KLHL9: variants seen among roughly 807,000 people sequenced by gnomAD.
KLHL9 encodes kelch-like protein 9.
Under a neutral mutation model 42.3 loss-of-function variants are expected in KLHL9, and 27 were observed. The ratio of observed to expected loss-of-function variants is 0.64; its 90% CI spans 0.47 to 0.88. The LOEUF (loss-of-function observed/expected upper bound fraction) is 0.88. KLHL9 is among the 40% of genes least tolerant of loss of function. KLHL9 has a pLI of 0.00. For missense variants in KLHL9, 629 were observed against 750.3 expected, an observed-to-expected ratio of 0.84 and a Z score of 1.89; for synonymous variants, 274 against 254.4, an observed-to-expected ratio of 1.08 and a Z score of -0.73.
Position 21,333,113 on chromosome 9 carries a change from A to G in KLHL9, c.1747T>C (p.Ser583Pro), listed in dbSNP as rs1310957408. The change falls in exon 1 of 1, where the codon TCA (serine) becomes CCA (proline). Residue 583 changes from serine (S) to proline (P), a missense_variant. Physicochemically the swap from Ser to Pro is moderately conservative, Grantham distance 74. Coordinates refer to ENST00000359039, the MANE Select transcript of KLHL9 (RefSeq NM_018847.4). The surrounding 1 kb of genome is among the most constrained non-coding windows in gnomAD (Gnocchi z 7.5). The part of the protein sequence containing the change: ...EWHKVFDLPE[S>P]LGGIRACTLT... ...GTACAGGCTCGAATGCCACCAAGTG[A>G]CTCTGGAAGATCAAAAACTTTATGC... is the stretch of plus-strand genomic sequence containing the variant. 1 of 1,614,026 alleles carries G rather than the reference A, an allele frequency of 6.2e-7. No homozygotes were observed. Among genetic ancestry groups the G allele is most frequent in the Non-Finnish European group, 8.5e-7 (1 of 1,180,022 alleles).
Position 21,334,366 on chromosome 9 carries a change from T to C in KLHL9, c.494A>G (p.Asn165Ser), listed in dbSNP as rs1328614858. The C allele has an allele frequency of 5.1e-5, 83 of 1,613,488 alleles. No homozygotes were observed. Among genetic ancestry groups the C allele is most frequent in the East Asian group, 1.1e-4 (5 of 44,890 alleles). Residue 165 changes from asparagine to serine, a missense_variant, in exon 1 of 1, where the codon AAT (asparagine) becomes AGT (serine). By Grantham distance (46) the Asn-to-Ser change is conservative (BLOSUM62 1). Coordinates refer to ENST00000359039, the MANE Select transcript of KLHL9 (RefSeq NM_018847.4). This position sits in a 1 kb window ranked among gnomAD's most constrained non-coding sequence, Gnocchi z 5.1. ...AACATATTTATCCACTTCTATAAGA[T>C]TGTAGGTGTTAGCAATTCGTCCAAC... ...VEVGRIANTY[N>S]LIEVDKYVNN...
Position 21,334,669 on chromosome 9 carries a change from G to C in KLHL9, c.191C>G (p.Pro64Arg), listed in dbSNP as rs1180997491. 6.2e-7 allele frequency: 1 copy of C among 1,614,096 alleles called. No individual in the cohort carries two copies. Among genetic ancestry groups the C allele is most frequent in the East Asian group, 2.2e-5 (1 of 44,876 alleles). Residue 64 changes from proline to arginine, a missense_variant, in exon 1 of 1, where the codon CCT (proline) becomes CGT (arginine). Pro to Arg is a moderately radical substitution (Grantham distance 103). Around this residue, in one of 4 missense-constraint regions of KLHL9, gnomAD observed 351 missense variants for 363.1 expected, o/e 0.97. Coordinates refer to ENST00000359039, the MANE Select transcript of KLHL9 (RefSeq NM_018847.4). This position sits in a 1 kb window ranked among gnomAD's most constrained non-coding sequence, Gnocchi z 5.1. ...AGACGCCATCATAGCTCTGTGAACAGGGAAGATTTCATCTCCATCACCTGG... is the reference window on the plus strand; with the variant it reads ...AGACGCCATCATAGCTCTGTGAACACGGAAGATTTCATCTCCATCACCTGG... ...LVPGDGDEIFPVHRAMMASAS... is the reference protein window; with the variant it reads ...LVPGDGDEIFRVHRAMMASAS...
chr9:21,331,596 G>C lies in KLHL9; in HGVS notation c.*1410C>G, dbSNP rs569233717. The C allele has an allele frequency of 5.3e-5, 8 of 152,124 alleles. No homozygotes were observed. In the East Asian group the frequency reaches 1.5e-3, roughly 29 times the overall value. 9.4% of individuals were successfully genotyped at this position (152,124 alleles called of 1,614,324 possible). A position where few individuals can be genotyped will look rare whatever the true frequency, so the allele number is the denominator to read the frequency against. On this transcript the variant is annotated 3_prime_UTR_variant, in exon 1 of 1. Coordinates refer to ENST00000359039, the MANE Select transcript of KLHL9 (RefSeq NM_018847.4). Reference sequence around the variant, plus strand: ...TACCTCTTCAGAATCACTCATTACAGAGAATTCCTGTAACTCCATTTGCTG... The same window carrying C: ...TACCTCTTCAGAATCACTCATTACACAGAATTCCTGTAACTCCATTTGCTG...
chr9:21,334,697 C>T lies in KLHL9; in HGVS notation c.163G>A (p.Val55Ile). The change falls in exon 1 of 1, where the codon GTA becomes ATA. Residue 55 changes from valine (V) to isoleucine (I), a missense_variant. Physicochemically the swap from Val to Ile is conservative, Grantham distance 29. Coordinates refer to ENST00000359039, the MANE Select transcript of KLHL9 (RefSeq NM_018847.4). This position sits in a 1 kb window ranked among gnomAD's most constrained non-coding sequence, Gnocchi z 5.1. ...AAGATTTCATCTCCATCACCTGGTA[C>T]CAGGGTCACATCACAAAGCAATCCT... The part of the protein sequence containing the change: ...IEGLLCDVTL[V>I]PGDGDEIFPV... 2 of 1,613,992 alleles carry T rather than the reference C, an allele frequency of 1.2e-6. No individual in the cohort carries two copies. The highest frequency in any genetic ancestry group is 2.2e-5 in the East Asian group (1 of 44,872).
At position 21,331,888 on chromosome 9, in the gene KLHL9, C is replaced by T. The variant is rs1820177126; in HGVS notation, c.*1118G>A. ...GGCAGATCACACAGCTCAGGATGCA[C>T]ATGGACTGGAACAGCACCAGGGCAA... is the stretch of plus-strand genomic sequence containing the variant. On this transcript the variant is annotated 3_prime_UTR_variant, in exon 1 of 1. Transcript: ENST00000359039. 1 of 152,598 alleles carries T rather than the reference C, an allele frequency of 6.6e-6. No individual in the cohort carries two copies. Among genetic ancestry groups the T allele is most frequent in the Admixed American group, 6.5e-5 (1 of 15,282 alleles). The allele number at this position is 152,598 out of a possible 1,614,324, so 9.5% of individuals were successfully genotyped here.
In KLHL9 at chr9:21,334,551, C is replaced by G; in HGVS notation, c.309G>C (p.Leu103=). 6.2e-7 allele frequency: 1 copy of G among 1,614,180 alleles called. No homozygotes were observed. The highest frequency in any genetic ancestry group is 8.5e-7 in the Non-Finnish European group (1 of 1,180,028). Residue 103 remains leucine (L), a synonymous_variant, in exon 1 of 1, where the codon CTG becomes CTC. Coordinates refer to ENST00000359039, the MANE Select transcript of KLHL9 (RefSeq NM_018847.4). The surrounding 1 kb of genome is among the most constrained non-coding windows in gnomAD (Gnocchi z 5.1). The stretch of plus-strand genomic sequence containing the variant: ...TATAAATAAAATCAATGATTTTCTT[C>G]AGACCAACCTTGTTCACCCCATGAA... ...IKLHGVNKVG[L]KKIIDFIYTA... is the part of the protein sequence containing the mutation.
At position 21,335,280 on chromosome 9, in the gene KLHL9, C is replaced by G. The variant is rs751334875; in HGVS notation, c.-421G>C. ...CTCCGCTGTACCTAGAGTGTCGCAG[C>G]GGCCACCGGCCTGTCTTTGAGCAAG... is the stretch of plus-strand genomic sequence containing the variant. On this transcript the variant is annotated 5_prime_UTR_variant, in exon 1 of 1. Coordinates refer to ENST00000359039, the MANE Select transcript of KLHL9 (RefSeq NM_018847.4). 1.4e-5 allele frequency: 6 copies of G among 440,208 alleles called. No individual in the cohort carries two copies. The highest frequency in any genetic ancestry group is 2.1e-5 in the Non-Finnish European group (5 of 240,920). 27.3% of individuals were successfully genotyped at this position (440,208 alleles called of 1,614,324 possible).
rs1477857997 is a variant in KLHL9 at position 21,334,822 on chromosome 9, G to A, written c.38C>T (p.Ser13Phe). The A allele has an allele frequency of 1.9e-6, 3 of 1,614,008 alleles. No individual in the cohort carries two copies. Among genetic ancestry groups the A allele is most frequent in the African/African-American group, 1.3e-5 (1 of 75,022 alleles). ...VSLGNGEMGV[S>F]AHLQPCKAGT... ...TGCCTTACAAGGCTGCAAATGGGCA[G>A]AGACGCCCATTTCGCCGTTACCAAG... The change falls in exon 1 of 1, where the codon TCT becomes TTT. Residue 13 changes from serine (S) to phenylalanine (F), a missense_variant. Coordinates refer to ENST00000359039, the MANE Select transcript of KLHL9 (RefSeq NM_018847.4). This position sits in a 1 kb window ranked among gnomAD's most constrained non-coding sequence, Gnocchi z 5.1.
At position 21,334,866 on chromosome 9, in the gene KLHL9, G is replaced by A. The variant is rs1250957124; in HGVS notation, c.-7C>T. ...TACCAAGGGACACTTTCATGTGAAA[G>A]CTTTCCTCTTGCACAGAGATGCAAG... is the stretch of plus-strand genomic sequence containing the variant. On this transcript the variant is annotated 5_prime_UTR_variant, in exon 1 of 1. Coordinates refer to ENST00000359039, the MANE Select transcript of KLHL9 (RefSeq NM_018847.4). The surrounding 1 kb of genome is among the most constrained non-coding windows in gnomAD (Gnocchi z 5.1). The A allele has an allele frequency of 1.9e-6, 3 of 1,614,120 alleles. No homozygotes were observed. The highest frequency in any genetic ancestry group is 2.5e-6 in the Non-Finnish European group (3 of 1,180,028).
rs1012747618 is a variant in KLHL9, at chr9:21,333,022, G to C, written c.1838C>G (p.Pro613Arg). The part of the protein sequence containing the change: ...SPSRESPLSA[P>R]SDHS The stretch of plus-strand genomic sequence containing the variant: ...ACCTTAGACCTAAGAATGATCTGAA[G>C]GTGCTGAAAGAGGTGATTCTCTAGA... The change falls in exon 1 of 1, where the codon CCT becomes CGT. Residue 613 changes from proline to arginine, a missense_variant. Coordinates refer to ENST00000359039, the MANE Select transcript of KLHL9 (RefSeq NM_018847.4). The surrounding 1 kb of genome is among the most constrained non-coding windows in gnomAD (Gnocchi z 7.5). 3 of 1,613,986 alleles carry C rather than the reference G, an allele frequency of 1.9e-6. No homozygotes were observed. The highest frequency in any genetic ancestry group is 8.5e-7 in the Non-Finnish European group (1 of 1,179,988).
chr9:21,333,783 A>G lies in KLHL9; in HGVS notation c.1077T>C (p.Asp359=). The change falls in exon 1 of 1, where the codon GAT becomes GAC. Residue 359 remains aspartate, a synonymous_variant. Transcript: ENST00000359039. The surrounding 1 kb of genome is among the most constrained non-coding windows in gnomAD (Gnocchi z 7.5). Reference sequence around the variant, plus strand: ...TATCAACAGCAGTTTTTCCTTTTGTATCATAATTACTCTGACCACCAACTA... The same window carrying G: ...TATCAACAGCAGTTTTTCCTTTTGTGTCATAATTACTCTGACCACCAACTA... ...LYVVGGQSNY[D]TKGKTAVDTV... is the part of the protein sequence containing the mutation. The G allele has an allele frequency of 6.2e-7, 1 of 1,614,104 alleles. No homozygotes were observed. Among genetic ancestry groups the G allele is most frequent in the African/African-American group, 1.3e-5 (1 of 75,064 alleles).
At position 21,332,692 on chromosome 9, in the gene KLHL9, G is replaced by A. The variant is rs1233438483; in HGVS notation, c.*314C>T. On this transcript the variant is annotated 3_prime_UTR_variant, in exon 1 of 1. Transcript: ENST00000359039. ...CTCCCTCTGACATTTTGGAGTCAAA[G>A]ATGAAAACTCAACTTTGAAGCATAA... 7.4e-6 allele frequency: 2 copies of A among 270,068 alleles called. No homozygotes were observed. Among genetic ancestry groups the A allele is most frequent in the East Asian group, 1.5e-4 (2 of 13,172 alleles). The allele number at this position is 270,068 out of a possible 1,614,324, so 16.7% of individuals were successfully genotyped here.
In KLHL9 at chr9:21,332,822, T is replaced by C. The variant is rs1586942150; in HGVS notation, c.*184A>G. ...TCTTTTTTTCATTTGTTAAAACAGC[T>C]ATGTTAAATACATTTTCAGAATGCA... On this transcript the variant is annotated 3_prime_UTR_variant, in exon 1 of 1. Coordinates refer to ENST00000359039, the MANE Select transcript of KLHL9 (RefSeq NM_018847.4). The C allele has an allele frequency of 4.8e-6, 4 of 831,724 alleles. No individual in the cohort carries two copies. The East Asian group carries it at 1.1e-4, about 23-fold the overall frequency. The allele number at this position is 831,724 out of a possible 1,614,324, so 51.5% of individuals were successfully genotyped here. A position where few individuals can be genotyped will look rare whatever the true frequency, so the allele number is the denominator to read the frequency against.
At position 21,334,269 on chromosome 9, in the gene KLHL9, T is replaced by G. The variant is rs1820226435; in HGVS notation, c.591A>C (p.Arg197=). Residue 197 remains arginine (R), a synonymous_variant, in exon 1 of 1, where the codon CGA becomes CGC. Coordinates refer to ENST00000359039, the MANE Select transcript of KLHL9 (RefSeq NM_018847.4). This position sits in a 1 kb window ranked among gnomAD's most constrained non-coding sequence, Gnocchi z 5.1. Reference sequence around the variant, plus strand: ...TATTACTGGAAAGCACAAATGCAAGTCGTTCAAAAGGGAGTTTTAGAAACT... The same window carrying G: ...TATTACTGGAAAGCACAAATGCAAGGCGTTCAAAAGGGAGTTTTAGAAACT... The part of the protein sequence containing the change: ...TGEFLKLPFE[R]LAFVLSSNSL... The G allele has an allele frequency of 6.2e-7, 1 of 1,614,160 alleles. No individual in the cohort carries two copies. Among genetic ancestry groups the G allele is most frequent in the East Asian group, 2.2e-5 (1 of 44,878 alleles).
chr9:21,333,454 T>C lies in KLHL9; in HGVS notation c.1406A>G (p.Asp469Gly). Reference sequence around the variant, plus strand: ...AGCCTTTTGCATCCATTTATCTGTATCTGGGTCAAAACACATGAGCTCATT... The same window carrying C: ...AGCCTTTTGCATCCATTTATCTGTACCTGGGTCAAAACACATGAGCTCATT... ...FQNELMCFDP[D>G]TDKWMQKAPM... Residue 469 changes from aspartate to glycine, a missense_variant, in exon 1 of 1, where the codon GAT becomes GGT. Transcript: ENST00000359039. The surrounding 1 kb of genome is among the most constrained non-coding windows in gnomAD (Gnocchi z 7.5). 2 of 1,614,230 alleles carry C rather than the reference T, an allele frequency of 1.2e-6. No individual in the cohort carries two copies. The highest frequency in any genetic ancestry group is 1.7e-6 in the Non-Finnish European group (2 of 1,180,050).
At position 21,334,406 on chromosome 9, in the gene KLHL9, C is replaced by G. The variant is rs1820229532; in HGVS notation, c.454G>C (p.Asp152His). 1 of 1,613,900 alleles carries G rather than the reference C, an allele frequency of 6.2e-7. No homozygotes were observed. Residue 152 changes from aspartate (D) to histidine (H), a missense_variant, in exon 1 of 1, where the codon GAT becomes CAT. Transcript: ENST00000359039. The surrounding 1 kb of genome is among the most constrained non-coding windows in gnomAD (Gnocchi z 5.1). ...KVFLISGVSL[D>H]NCVEVGRIAN... ...ATTCGTCCAACCTCAACACAGTTAT[C>G]CAAAGAGACTCCTGATATAAGAAAT...
rs41270129 is a variant in KLHL9 at position 21,332,602 on chromosome 9, C to T, written c.*404G>A. 0.039 allele frequency: 6,592 copies of T among 169,962 alleles called. 130 individuals carry two copies. Among genetic ancestry groups the T allele is most frequent in the Middle Eastern group, 0.089 (29 of 326 alleles). 10.5% of individuals were successfully genotyped at this position (169,962 alleles called of 1,614,324 possible). A position where few individuals can be genotyped will look rare whatever the true frequency, so the allele number is the denominator to read the frequency against. On this transcript the variant is annotated 3_prime_UTR_variant, in exon 1 of 1. Transcript: ENST00000359039. Reference sequence around the variant, plus strand: ...AAGTTGACAGACATGACAAAAACTACGAAAAGAGGGAGGTAACTAGTATTA... The same window carrying T: ...AAGTTGACAGACATGACAAAAACTATGAAAAGAGGGAGGTAACTAGTATTA...
chr9:21,334,838 C>T lies in KLHL9; in HGVS notation c.22G>A (p.Gly8Ser), dbSNP rs1820239811. The T allele has an allele frequency of 1.4e-5, 23 of 1,614,088 alleles. No individual in the cohort carries two copies. The highest frequency in any genetic ancestry group is 1.9e-5 in the Non-Finnish European group (22 of 1,180,010). ...AAATGGGCAGAGACGCCCATTTCGCCGTTACCAAGGGACACTTTCATGTGA... is the reference window on the plus strand; with the variant it reads ...AAATGGGCAGAGACGCCCATTTCGCTGTTACCAAGGGACACTTTCATGTGA... MKVSLGN[G>S]EMGVSAHLQP... The change falls in exon 1 of 1, where the codon GGC becomes AGC. Residue 8 changes from glycine to serine, a missense_variant. Physicochemically the swap from Gly to Ser is moderately conservative, Grantham distance 56. Around this residue, in one of 4 missense-constraint regions of KLHL9, gnomAD observed 351 missense variants for 363.1 expected, o/e 0.97. Coordinates refer to ENST00000359039, the MANE Select transcript of KLHL9 (RefSeq NM_018847.4). This position sits in a 1 kb window ranked among gnomAD's most constrained non-coding sequence, Gnocchi z 5.1.
rs148192909 is a variant in KLHL9, at chr9:21,333,358, T to C, written c.1502A>G (p.Asn501Ser). 10 of 1,614,110 alleles carry C rather than the reference T, an allele frequency of 6.2e-6. No individual in the cohort carries two copies. Among genetic ancestry groups the C allele is most frequent in the Non-Finnish European group, 6.8e-6 (8 of 1,180,044 alleles). Residue 501 changes from asparagine to serine, a missense_variant, in exon 1 of 1, where the codon AAT becomes AGT. This residue lies in a region of KLHL9 where 214 missense variants were observed against 305.8 expected (regional missense o/e 0.70). Coordinates refer to ENST00000359039, the MANE Select transcript of KLHL9 (RefSeq NM_018847.4). The surrounding 1 kb of genome is among the most constrained non-coding windows in gnomAD (Gnocchi z 7.5). ...VGDKLYVIGG[N>S]HFRGTSDYDD... Reference sequence around the variant, plus strand: ...ATAATCACTTGTTCCTCTGAAGTGATTGCCACCAATGACATAGAGCTTATC... The same window carrying C: ...ATAATCACTTGTTCCTCTGAAGTGACTGCCACCAATGACATAGAGCTTATC...
Sources: gnomAD v4.1 joint callset for allele counts on GRCh38, gnomAD v4.1.1 for gene constraint, gnomAD v4.1.1 regional missense constraint, Gnocchi (gnomAD v3.1) non-coding constraint, MANE v1.5 for transcripts, NCBI Gene and HGNC (gene_info 2026-07-23, HGNC 2026-07-21) for gene names.